GRM3: variants seen among roughly 807,000 people sequenced by gnomAD.
The protein encoded by GRM3 is glutamate metabotropic receptor 3, also known as metabotropic glutamate receptor 3.
GRM3 carries 26 observed loss-of-function variants against 70.5 expected under a neutral mutation model. The ratio of observed to expected loss-of-function variants is 0.37; its 90% CI spans 0.27 to 0.51. The LOEUF (loss-of-function observed/expected upper bound fraction) is 0.51, where lower values mean the gene tolerates loss of function less well. GRM3 is among the 20% of genes least tolerant of loss of function. GRM3 has a pLI of 0.93. For missense variants in GRM3, 859 were observed against 1,123.8 expected (o/e 0.76, Z 3.37); for synonymous variants, 443 against 434.9 (o/e 1.02, Z -0.23).
intron 1 of GRM3, among the ~76,000 whole-genome samples, chr7:86,755,801 G>A (rs1016431509): frequency 2.0e-5 from 3 of 151,922 alleles, no homozygotes; most frequent in African/African-American, 7.3e-5. Context: ...ATAGGATGAA[G>A]GCAAACATAT....
chr7:86,760,500 GC>G (rs1796452561), intron 1 of GRM3, among the ~76,000 whole-genome samples: 2 of 152,056 alleles, frequency 1.3e-5, no homozygotes. Flanking sequence ...GCAGTAGGGA[GC>G]CTGTTTATCT....
At chr7:86,652,313 TTTTTG>T (rs747326310) in intron 1 of GRM3, among the ~76,000 whole-genome samples, 2 of 151,096 alleles carry the variant, frequency 1.3e-5, no homozygotes, top group Non-Finnish European at 3.0e-5. Flanking sequence ...TTTTGTTTGT[TTTTTG>T]TTTTTGTTTT....
chr7:86,718,361 T>C (rs1562836945), intron 1 of GRM3, among the ~76,000 whole-genome samples: 1 of 152,022 alleles, frequency 6.6e-6, no homozygotes, highest in Non-Finnish European at 1.5e-5. Flanking sequence ...GCTTTCAGAT[T>C]TATTATAATC....
intron 1 of GRM3, among the ~76,000 whole-genome samples, chr7:86,677,112 C>A (rs1269918879): frequency 6.6e-6 from 1 of 151,984 alleles, no homozygotes; most frequent in Non-Finnish European, 1.5e-5. Context: ...CCCTAGGCAT[C>A]TATCTACCTG....
At chr7:86,743,473 C>T (rs766954679) in intron 1 of GRM3, among the ~76,000 whole-genome samples, 2 of 151,996 alleles carry the variant, frequency 1.3e-5, no homozygotes, top group Non-Finnish European at 2.9e-5. Flanking sequence ...TATTTTAAAA[C>T]ATTTATCTAT....
intron 3 of GRM3, among the ~76,000 whole-genome samples, chr7:86,804,421 T>C (rs1417121585): frequency 1.3e-5 from 2 of 152,202 alleles, no homozygotes; most frequent in East Asian, 3.9e-4. Flanking sequence ...TTTATTTTTA[T>C]TTCTTGAGAT....
intron 1 of GRM3, among the ~76,000 whole-genome samples, chr7:86,666,056 T>TA (rs1794017174): frequency 6.6e-6 from 1 of 152,074 alleles, no homozygotes; most frequent in Non-Finnish European, 1.5e-5. Flanking sequence ...AAGTTAGAAA[T>TA]AAGATGTTAA....
At chr7:86,692,755 A>C (rs1584169800) in intron 1 of GRM3, among the ~76,000 whole-genome samples, 1 of 152,358 alleles carries the variant, frequency 6.6e-6, no homozygotes, top group East Asian at 1.9e-4. Context: ...TTTTTGAATT[A>C]ATAATCAAAG....
At chr7:86,659,480 C>A (rs1318132235) in intron 1 of GRM3, among the ~76,000 whole-genome samples, 1 of 152,062 alleles carries the variant, frequency 6.6e-6, no homozygotes, top group African/African-American at 2.4e-5. Flanking sequence ...GGATTTAGAT[C>A]TGGCATTTGG....
At chr7:86,831,266 T>C (rs544290435) in intron 3 of GRM3, among the ~76,000 whole-genome samples, 2 of 152,324 alleles carry the variant, frequency 1.3e-5, no homozygotes, top group Admixed American at 1.3e-4. Flanking sequence ...AGTCACAGTG[T>C]TACATGTGTG....
chr7:86,803,341 A>G (rs991583043), intron 3 of GRM3, among the ~76,000 whole-genome samples: 7 of 152,136 alleles, frequency 4.6e-5, no homozygotes, highest in Admixed American at 4.6e-4. Context: ...TCCTTCCTCA[A>G]TTTGAATCCT....
At chr7:86,745,835 G>A (rs971770218) in intron 1 of GRM3, among the ~76,000 whole-genome samples, 2 of 152,112 alleles carry the variant, frequency 1.3e-5, no homozygotes, top group South Asian at 2.1e-4. Flanking sequence ...TGAAGATAAA[G>A]TATCTACCTG....
intron 1 of GRM3, among the ~76,000 whole-genome samples, chr7:86,747,785 C>G (rs1796139639): frequency 6.6e-6 from 1 of 152,076 alleles, no homozygotes; most frequent in Non-Finnish European, 1.5e-5. Flanking sequence ...AAGAACATAA[C>G]ACAGTCCAAT....
At chr7:86,729,138 T>TTTA (rs1272266129) in intron 1 of GRM3, among the ~76,000 whole-genome samples, 3 of 152,190 alleles carry the variant, frequency 2.0e-5, no homozygotes, top group Non-Finnish European at 4.4e-5. Context: ...TTTTTTTAGT[T>TTTA]GAAGAATGCT....
intron 1 of GRM3, among the ~76,000 whole-genome samples, chr7:86,749,758 T>C (rs1053896799): frequency 6.6e-6 from 1 of 152,060 alleles, no homozygotes. Flanking sequence ...AAGCACCAGA[T>C]AGACAAACAA....
chr7:86,828,161 G>A (rs1169778979), intron 3 of GRM3, among the ~76,000 whole-genome samples: 6 of 146,556 alleles, frequency 4.1e-5, no homozygotes, highest in African/African-American at 1.5e-4. Flanking sequence ...GACTGGAAAA[G>A]GTACTTTATA....
At chr7:86,654,511 C>T (rs139562160) in intron 1 of GRM3, among the ~76,000 whole-genome samples, 213 of 152,230 alleles carry the variant, frequency 1.4e-3, no homozygotes, top group African/African-American at 4.7e-3. Flanking sequence ...GCAGTCTCTA[C>T]GTATCTAAAG....
rs578019506 is a variant in GRM3, at chr7:86,649,648, T to TA, written c.-141+4784dup. On this transcript the variant is annotated intron_variant, in intron 1 of 5. Transcript: ENST00000361669. ...AAAGGGTATAGATATCTAAACAGATTAAAAAAAATCAAAACCATGATGCTA... is the reference window on the plus strand; with the variant it reads ...AAAGGGTATAGATATCTAAACAGATTAAAAAAAAATCAAAACCATGATGCTA... Among the ~76,000 whole-genome samples, 326 of 151,802 alleles carry TA rather than the reference T, an allele frequency of 2.1e-3. 3 individuals are homozygous for TA. Among genetic ancestry groups the TA allele is most frequent in the Middle Eastern group, 3.4e-3 (1 of 294 alleles).
intron 3 of GRM3, among the ~76,000 whole-genome samples, chr7:86,811,279 TC>T (rs770753955): frequency 5.9e-5 from 9 of 151,914 alleles, no homozygotes; most frequent in African/African-American, 1.2e-4. Flanking sequence ...TAGCTTTATT[TC>T]TTTTCACATT....
Sources: allele counts gnomAD v4.1 joint callset (sites outside exome capture counted in the v4.1 genomes callset), GRCh38; gene constraint gnomAD v4.1.1; transcripts MANE v1.5; gene names NCBI Gene and HGNC (gene_info 2026-07-23, HGNC 2026-07-21).